SHROOM4: variants seen among roughly 807,000 people sequenced by gnomAD.
The protein encoded by SHROOM4 is protein Shroom4.
SHROOM4 carries 17 observed loss-of-function variants against 80.3 expected under a neutral mutation model. That is an observed-to-expected ratio of 0.21 (90% CI 0.14 to 0.32). The LOEUF (loss-of-function observed/expected upper bound fraction) is 0.32, where lower values mean the gene tolerates loss of function less well. Among genes scored for constraint, SHROOM4 ranks in the 10% least tolerant of loss-of-function variants. The pLI is 1.00. For missense variants in SHROOM4, 993 were observed against 1,140.3 expected (o/e 0.87, Z 1.86); for synonymous variants, 400 against 437.5 (o/e 0.91, Z 1.07).
chrX:50,775,367 G>A (rs1935482023), intron 1 of SHROOM4, among the ~76,000 whole-genome samples: 1 of 111,397 alleles, frequency 9.0e-6, no homozygotes, highest in South Asian at 3.8e-4. Flanking sequence ...CCCAGCAAGC[G>A]AGGTCAGAGT....
chrX:50,794,682 T>C (rs1448413284), intron 1 of SHROOM4, among the ~76,000 whole-genome samples: 19 of 105,091 alleles, frequency 1.8e-4, no homozygotes, highest in Admixed American at 1.8e-3. Flanking sequence ...AAATTCACAG[T>C]CTCTAGATTC....
Position 50,607,728 on chromosome X carries a change from T to TTCCTCCTCC in SHROOM4, c.3405_3413dup (p.Glu1149_Glu1151dup). 4 of 1,120,722 alleles carry TTCCTCCTCC rather than the reference T, an allele frequency of 3.6e-6. No individual in the cohort carries two copies. In the East Asian group the frequency reaches 9.2e-5, roughly 26 times the overall value. 92.4% of individuals were successfully genotyped at this position (1,120,722 alleles called of 1,213,427 possible). ...CTTCCTCTTCCTCTTCTTCTTCTTC[T>TTCCTCCTCC]TCCTCCTCCTCCTCCTCCTCCTGTT... On this transcript the variant is annotated inframe_insertion, in exon 6 of 9. Coordinates refer to ENST00000376020, the MANE Select transcript of SHROOM4 (RefSeq NM_020717.5).
chrX:50,618,278 C>CCTT lies in SHROOM4; in HGVS notation c.2957+9335_2957+9336insAAG, dbSNP rs1569546603. On this transcript the variant is annotated intron_variant, in intron 5 of 8. Transcript: ENST00000376020. ...TTCTTTCTTTTCTTCTCTTCTCTTC[C>CCTT]CCTTCCTTCCTTCCTTCCTTCCTTC... 5.4e-4 allele frequency among the ~76,000 whole-genome samples: 25 copies of CCTT among 46,152 alleles called. 10 individuals carry two copies. Among genetic ancestry groups the CCTT allele is most frequent in the Admixed American group, 9.5e-4 (5 of 5,288 alleles). 40.1% of individuals were successfully genotyped at this position (46,152 alleles called of 115,157 possible).
At chrX:50,705,637 G>A (rs1557263903) in intron 1 of SHROOM4, among the ~76,000 whole-genome samples, 1 of 110,448 alleles carries the variant, frequency 9.1e-6, no homozygotes, top group East Asian at 2.9e-4. Context: ...GTTCCTCACA[G>A]CCGAGGTCAC....
At chrX:50,616,934 C>A in intron 5 of SHROOM4, among the ~76,000 whole-genome samples, 1 of 111,946 alleles carries the variant, frequency 8.9e-6, no homozygotes, top group East Asian at 2.8e-4. Flanking sequence ...ACCTTCACCT[C>A]CGATGTAGAT....
rs957784284 is a variant in SHROOM4, at chrX:50,595,394, C to G, written c.*1301G>C. The G allele has an allele frequency of 8.3e-6, 1 of 120,261 alleles. No individual in the cohort carries two copies. The highest frequency in any genetic ancestry group is 8.3e-5 in the Admixed American group (1 of 12,013). The allele number at this position is 120,261 out of a possible 1,213,427, so 9.9% of individuals were successfully genotyped here. On this transcript the variant is annotated 3_prime_UTR_variant, in exon 9 of 9. Transcript: ENST00000376020. Reference sequence around the variant, plus strand: ...GAGTTTTGGTTCCCTTGAGCCAGGCCACAGGCTGAGAAAGCAATGGTTAGA... The same window carrying G: ...GAGTTTTGGTTCCCTTGAGCCAGGCGACAGGCTGAGAAAGCAATGGTTAGA...
rs781822604 is a variant in SHROOM4 at position 50,641,613 on chromosome X, A to AT, written c.270-3306dup. On this transcript the variant is annotated intron_variant, in intron 2 of 8. Transcript: ENST00000376020. The stretch of plus-strand genomic sequence containing the variant: ...AACATACCTTACAAAGACTCTTACT[A>AT]TTTTTTTTTTTTTTTTGAGACGAAG... Among the ~76,000 whole-genome samples, 840 of 98,940 alleles carry AT rather than the reference A, an allele frequency of 8.5e-3. 5 individuals are homozygous for AT. Among genetic ancestry groups the AT allele is most frequent in the South Asian group, 0.022 (48 of 2,215 alleles). The allele number at this position is 98,940 out of a possible 115,157, so 85.9% of individuals were successfully genotyped here.
chrX:50,578,391 C>G, the SHROOM4 span, among the ~76,000 whole-genome samples: 1 of 112,488 alleles, frequency 8.9e-6, no homozygotes, highest in South Asian at 3.7e-4. Context: ...ATTGCCACCT[C>G]CACCTCCCAG....
At chrX:50,598,245 C>T (rs374735659) in intron 8 of SHROOM4, 21 bp downstream of exon 8, 21 of 1,208,631 alleles carry the variant, frequency 1.7e-5, no homozygotes, top group Non-Finnish European at 1.1e-6. Context: ...TCTACCCACA[C>T]CCCACAGACC....
chrX:50,712,880 A>G (rs1167898112), intron 1 of SHROOM4, among the ~76,000 whole-genome samples: 1 of 111,038 alleles, frequency 9.0e-6, no homozygotes, highest in Non-Finnish European at 1.9e-5. Flanking sequence ...CCCATCATTC[A>G]CTAATTGGTA....
chrX:50,624,600 T>G (rs897780009), intron 5 of SHROOM4, among the ~76,000 whole-genome samples: 3 of 102,393 alleles, frequency 2.9e-5, no homozygotes, highest in Middle Eastern at 0.011. Flanking sequence ...AGAGTTGTTT[T>G]TTATCTTTTT....
intron 1 of SHROOM4, among the ~76,000 whole-genome samples, chrX:50,778,958 T>C (rs1165523286): frequency 8.9e-6 from 1 of 111,861 alleles, no homozygotes; most frequent in African/African-American, 3.3e-5. Flanking sequence ...ATCAAGGTTG[T>C]TGTAAGAGTT....
Position 50,654,639 on chromosome X carries a change from A to T in SHROOM4, c.270-16331T>A, listed in dbSNP as rs145221964. ...CTATTCTGTATATTAGATTTCCAGA[A>T]CGTACTCCTCTTGTTCAACTGAAGC... On this transcript the variant is annotated intron_variant, in intron 2 of 8. Transcript: ENST00000376020. Among the ~76,000 whole-genome samples the T allele has an allele frequency of 3.8e-3, 421 of 110,232 alleles. 2 individuals are homozygous for T. The highest frequency in any genetic ancestry group is 0.013 in the African/African-American group (385 of 30,369).
chrX:50,747,829 A>G (rs2147593804), intron 1 of SHROOM4, among the ~76,000 whole-genome samples: 1 of 112,316 alleles, frequency 8.9e-6, no homozygotes, highest in East Asian at 2.8e-4. Context: ...AGGGGGGAAC[A>G]TTAATTTCTG....
intron 1 of SHROOM4, among the ~76,000 whole-genome samples, chrX:50,765,541 G>T (rs1557269271): frequency 2.7e-5 from 3 of 111,618 alleles, no homozygotes; most frequent in African/African-American, 9.8e-5. Flanking sequence ...TACTTGAAAG[G>T]GAGAATGAAG....
rs782623204 is a variant in SHROOM4, at chrX:50,814,033, A to G, written c.-15T>C. 4.3e-6 allele frequency: 5 copies of G among 1,154,850 alleles called. No homozygotes were observed. In the South Asian group the frequency reaches 7.3e-5, roughly 17 times the overall value. On this transcript the variant is annotated 5_prime_UTR_variant, in exon 1 of 9. Coordinates refer to ENST00000376020, the MANE Select transcript of SHROOM4 (RefSeq NM_020717.5). ...CGGTTCTCCATCCTCGGCTGGGCTC[A>G]GGCGCCGCCGGGCTCCTTTTCCGAG...
chrX:50,603,943 C>A (rs1395566898), intron 6 of SHROOM4, among the ~76,000 whole-genome samples: 2 of 111,976 alleles, frequency 1.8e-5, no homozygotes, highest in African/African-American at 6.5e-5. Context: ...CACTCCCATC[C>A]TCCACCTGTC....
chrX:50,662,808 G>A (rs1932556080), intron 2 of SHROOM4, among the ~76,000 whole-genome samples: 1 of 111,045 alleles, frequency 9.0e-6, no homozygotes, highest in African/African-American at 3.3e-5. Context: ...AAAAGGAGAA[G>A]AAACTACGCT....
At position 50,589,962 on chromosome X, in the gene SHROOM4, T is replaced by C. The variant is rs1186652851; in HGVS notation, c.*6733A>G. Among the ~76,000 whole-genome samples, 1 of 112,219 alleles carries C rather than the reference T, an allele frequency of 8.9e-6. No homozygotes were observed. The highest frequency in any genetic ancestry group is 1.9e-5 in the Non-Finnish European group (1 of 53,271). On this transcript the variant is annotated 3_prime_UTR_variant, in exon 9 of 9. Transcript: ENST00000376020. ...CTTGTTATTGTTTGGCTTTTTGATA[T>C]AGCTATTCTAGTGGGTATGAAGTGG...
Sources: gnomAD v4.1 joint callset for allele counts (sites outside exome capture counted in the v4.1 genomes callset) on GRCh38, gnomAD v4.1.1 for gene constraint, MANE v1.5 for transcripts, NCBI Gene and HGNC (gene_info 2026-07-23, HGNC 2026-07-21) for gene names.